The following PACS1 variants were observed in gnomAD, a reference collection of about 807,000 sequenced individuals.
PACS1 encodes the protein phosphofurin acidic cluster sorting protein 1.
PACS1 carries 24 observed loss-of-function variants against 115.0 expected under a neutral mutation model. The observed-to-expected ratio is 0.21, with a 90% CI of 0.15 to 0.29. PACS1 has a LOEUF of 0.29. Ranked by LOEUF, PACS1 falls within the 10% of genes least tolerant of loss-of-function variation. The pLI, the probability that PACS1 is intolerant of heterozygous loss-of-function variation, is 1.00. For synonymous variants in PACS1, 453 were observed against 504.5 expected (o/e 0.90, Z 1.37); for missense variants, 838 against 1,251.2 (o/e 0.67, Z 4.98).
intron 1 of PACS1, among the ~76,000 whole-genome samples, chr11:66,150,761 A>G (rs1465257345): frequency 6.6e-6 from 1 of 152,240 alleles, no homozygotes. Context: ...ACCCTCCTAC[A>G]GATAACAATT....
intron 1 of PACS1, among the ~76,000 whole-genome samples, chr11:66,115,319 G>A (rs1374707274): frequency 6.6e-6 from 1 of 151,718 alleles, no homozygotes; most frequent in Admixed American, 6.6e-5. Context: ...CTGGAGCCAA[G>A]CATTTGTGAA....
intron 1 of PACS1, among the ~76,000 whole-genome samples, chr11:66,164,775 T>A (rs1859566457): frequency 6.6e-6 from 1 of 151,290 alleles, no homozygotes; most frequent in East Asian, 2.0e-4. Flanking sequence ...AAATAACAGT[T>A]TTAAAACATT....
intron 1 of PACS1, among the ~76,000 whole-genome samples, chr11:66,127,341 T>C (rs1858603092): frequency 6.6e-6 from 1 of 152,206 alleles, no homozygotes. Context: ...CTGTTTCTTC[T>C]CTGTGCCTCT....
intron 1 of PACS1, among the ~76,000 whole-genome samples, chr11:66,103,244 C>A (rs1020846919): frequency 6.6e-6 from 1 of 152,096 alleles, no homozygotes; most frequent in African/African-American, 2.4e-5. Flanking sequence ...TCCCTGTATT[C>A]TGTTTGGTTT....
chr11:66,101,524 T>C (rs1857920768), intron 1 of PACS1, among the ~76,000 whole-genome samples: 1 of 152,186 alleles, frequency 6.6e-6, no homozygotes. Context: ...GATTTGGTTA[T>C]TTGATCATGA....
rs796871036 is a variant in PACS1, at chr11:66,081,232, CA to C, written c.356+10399del. On this transcript the variant is annotated intron_variant, in intron 1 of 23. Coordinates refer to ENST00000320580, the MANE Select transcript of PACS1 (RefSeq NM_018026.4). The stretch of plus-strand genomic sequence containing the variant: ...TGAGCGACAGATCAAGACCCTGTCT[CA>C]AAAAAAAAGAAAAAAGAAAGAAAGA... Among the ~76,000 whole-genome samples, 10 of 147,728 alleles carry C rather than the reference CA, an allele frequency of 6.8e-5. No individual in the cohort carries two copies. In the East Asian group the frequency reaches 1.8e-3, roughly 26 times the overall value.
intron 1 of PACS1, among the ~76,000 whole-genome samples, chr11:66,073,024 A>G (rs1857337540): frequency 6.6e-6 from 1 of 152,250 alleles, no homozygotes; most frequent in East Asian, 1.9e-4. Context: ...TTGCTGTGAG[A>G]GGCTTAGGCG....
chr11:66,230,135 TAAAAAAAA>T (rs11357711), intron 11 of PACS1, among the ~76,000 whole-genome samples: 1 of 96,920 alleles, frequency 1.0e-5, no homozygotes, highest in African/African-American at 4.0e-5. Context: ...GGAATGGGGC[TAAAAAAAA>T]AAAAAAAAAA....
intron 4 of PACS1, 49 bp from the exon 5 acceptor site, chr11:66,216,070 C>A (rs367860911): frequency 1.2e-4 from 185 of 1,595,688 alleles, no homozygotes; most frequent in Non-Finnish European, 1.5e-4. Context: ...CTGTGTTTCT[C>A]CAGGTGCCTC....
At chr11:66,155,997 AACC>A (rs949649048) in intron 1 of PACS1, among the ~76,000 whole-genome samples, 2 of 151,850 alleles carry the variant, frequency 1.3e-5, no homozygotes, top group African/African-American at 4.8e-5. Context: ...CAAAGGTGCA[AACC>A]AGTGGATAGT....
In PACS1 at chr11:66,210,391, G is replaced by A; in HGVS notation, c.474G>A (p.Glu158=). ...CAAAAAGAATTCTTCGCTCCAACGA[G>A]ATCGTCCTTCCAGCTAGTGGACTGG... ...QGSKRILRSN[E]IVLPASGLVE... is the part of the protein sequence containing the mutation. The change falls in exon 3 of 24, where the codon GAG becomes GAA. Residue 158 remains glutamate (E), a synonymous_variant. Coordinates refer to ENST00000320580, the MANE Select transcript of PACS1 (RefSeq NM_018026.4). The A allele has an allele frequency of 6.2e-7, 1 of 1,614,084 alleles. No homozygotes were observed. The highest frequency in any genetic ancestry group is 8.5e-7 in the Non-Finnish European group (1 of 1,179,960).
chr11:66,099,128 C>T (rs1478544321), intron 1 of PACS1, among the ~76,000 whole-genome samples: 1 of 152,224 alleles, frequency 6.6e-6, no homozygotes, highest in Non-Finnish European at 1.5e-5. Flanking sequence ...ACTGCAACCT[C>T]CGCCTCCAGG....
intron 1 of PACS1, among the ~76,000 whole-genome samples, chr11:66,104,145 T>C (rs1192085853): frequency 1.3e-5 from 2 of 152,122 alleles, no homozygotes; most frequent in African/African-American, 4.8e-5. Context: ...AAGATTTTAA[T>C]AGATGGTGAA....
At chr11:66,231,214 G>A (rs540769838) in intron 13 of PACS1, among the ~76,000 whole-genome samples, 17 of 152,350 alleles carry the variant, frequency 1.1e-4, no homozygotes, top group African/African-American at 2.9e-4. Context: ...TGCGAGTGTC[G>A]ATTCCACACC....
At chr11:66,144,707 C>T (rs922025323) in intron 1 of PACS1, among the ~76,000 whole-genome samples, 2 of 152,160 alleles carry the variant, frequency 1.3e-5, no homozygotes, top group Admixed American at 6.5e-5. Context: ...AATCTCGGCT[C>T]GCTGCAACCT....
At chr11:66,180,815 T>C (rs569655210) in intron 1 of PACS1, among the ~76,000 whole-genome samples, 2 of 152,208 alleles carry the variant, frequency 1.3e-5, no homozygotes, top group South Asian at 4.1e-4. Flanking sequence ...TGAGCCACCA[T>C]ACTTAACAGA....
At chr11:66,141,845 C>T (rs1858997878) in intron 1 of PACS1, among the ~76,000 whole-genome samples, 1 of 151,750 alleles carries the variant, frequency 6.6e-6, no homozygotes, top group Admixed American at 6.6e-5. Context: ...CTCACTTTGT[C>T]ACCCAGAATG....
chr11:66,087,434 G>C (rs879414473), intron 1 of PACS1, among the ~76,000 whole-genome samples: 12 of 152,058 alleles, frequency 7.9e-5, no homozygotes, highest in Admixed American at 1.3e-4. Flanking sequence ...GTAGAGGAAG[G>C]GTTTCACCAT....
intron 1 of PACS1, among the ~76,000 whole-genome samples, chr11:66,190,561 T>C (rs534575518): frequency 6.6e-6 from 1 of 152,200 alleles, no homozygotes; most frequent in African/African-American, 2.4e-5. Flanking sequence ...ACATTTCTTT[T>C]TATTTTTAAG....
Sources: gnomAD v4.1 joint callset for allele counts (sites outside exome capture counted in the v4.1 genomes callset) on GRCh38, gnomAD v4.1.1 for gene constraint, MANE v1.5 for transcripts, NCBI Gene and HGNC (gene_info 2026-07-23, HGNC 2026-07-21) for gene names.